The following EXT1 variants were observed in gnomAD, a reference collection of about 807,000 sequenced individuals.
EXT1 encodes exostosin glycosyltransferase 1.
A neutral mutation model predicts 82.5 loss-of-function variants in EXT1; 20 were observed. That is an observed-to-expected ratio of 0.24 (90% CI 0.17 to 0.35). The LOEUF (loss-of-function observed/expected upper bound fraction) is 0.35. Ranked by LOEUF, EXT1 falls within the 10% of genes least tolerant of loss-of-function variation. EXT1 has a pLI of 1.00. For missense variants in EXT1, 757 were observed against 936.5 expected, an observed-to-expected ratio of 0.81 and a Z score of 2.50; for synonymous variants, 348 against 350.8, an observed-to-expected ratio of 0.99 and a Z score of 0.09.
intron 9 of EXT1, among the ~76,000 whole-genome samples, chr8:117,806,813 GTCTT>G (rs1307770900): frequency 6.6e-6 from 1 of 152,216 alleles, no homozygotes; most frequent in East Asian, 1.9e-4. Context: ...TATGTAGACA[GTCTT>G]TCTTTGTTAG....
intron 1 of EXT1, among the ~76,000 whole-genome samples, chr8:118,074,004 GCCTCA>G (rs1478414663): frequency 6.6e-6 from 1 of 151,918 alleles, no homozygotes; most frequent in Non-Finnish European, 1.5e-5. Flanking sequence ...CCCTCTCCCA[GCCTCA>G]CCTTTCAGAC....
intron 1 of EXT1, among the ~76,000 whole-genome samples, chr8:117,903,336 T>A (rs1363537614): frequency 1.3e-5 from 2 of 152,208 alleles, no homozygotes; most frequent in African/African-American, 4.8e-5. Context: ...TTTAGCTCCA[T>A]GGATTGCCCA....
intron 10 of EXT1, among the ~76,000 whole-genome samples, chr8:117,801,852 C>T (rs534669077): frequency 1.2e-3 from 184 of 152,138 alleles, no homozygotes; most frequent in Non-Finnish European, 2.0e-3. Flanking sequence ...GGGTGCTGTA[C>T]CCAGGCAAAA....
intron 1 of EXT1, among the ~76,000 whole-genome samples, chr8:117,874,153 T>C (rs943574548): frequency 1.3e-5 from 2 of 152,232 alleles, no homozygotes; most frequent in Non-Finnish European, 2.9e-5. Context: ...GTCATTTCTT[T>C]TTTAAATAGA....
At chr8:117,870,521 C>T (rs1231753712) in intron 1 of EXT1, among the ~76,000 whole-genome samples, 2 of 149,820 alleles carry the variant, frequency 1.3e-5, no homozygotes, top group Non-Finnish European at 2.9e-5. Context: ...CTTGGGTGCA[C>T]CATTTGTTTC....
intron 8 of EXT1, among the ~76,000 whole-genome samples, chr8:117,811,629 T>C (rs1402762958): frequency 1.3e-5 from 2 of 151,842 alleles, no homozygotes; most frequent in Non-Finnish European, 2.9e-5. Flanking sequence ...TTTTTTTTTT[T>C]TTTTTGAGAT....
intron 1 of EXT1, among the ~76,000 whole-genome samples, chr8:117,867,972 G>T (rs1393559093): frequency 6.6e-6 from 1 of 152,172 alleles, no homozygotes; most frequent in Non-Finnish European, 1.5e-5. Flanking sequence ...CACGACTAAT[G>T]CCATAAGCAC....
intron 1 of EXT1, among the ~76,000 whole-genome samples, chr8:118,025,586 C>T (rs1023000407): frequency 3.9e-5 from 6 of 152,000 alleles, no homozygotes; most frequent in Non-Finnish European, 8.8e-5. Context: ...AAAGAAAAGC[C>T]CCAGTAAATG....
intron 1 of EXT1, among the ~76,000 whole-genome samples, chr8:118,054,982 A>C (rs1816774183): frequency 6.6e-6 from 1 of 151,468 alleles, no homozygotes; most frequent in Non-Finnish European, 1.5e-5. Context: ...AAATTTTTTA[A>C]CAGCTTTATG....
intron 1 of EXT1, among the ~76,000 whole-genome samples, chr8:118,020,933 T>C (rs1173568699): frequency 1.3e-5 from 2 of 152,190 alleles, no homozygotes; most frequent in African/African-American, 2.4e-5. Context: ...GTGGGGAAGA[T>C]AGAGTTAAAC....
rs752153917 is a variant in EXT1 at position 118,110,230 on chromosome 8, T to C, written c.817A>G (p.Thr273Ala). The change falls in exon 1 of 11, where the codon ACA becomes GCA. Residue 273 changes from threonine (T) to alanine (A), a missense_variant. Physicochemically the swap from Thr to Ala is moderately conservative, Grantham distance 58 (BLOSUM62 0). Around this residue, in one of 4 missense-constraint regions of EXT1, gnomAD observed 247 missense variants for 330.1 expected, o/e 0.75. Transcript: ENST00000378204. ...TTCCTGGTGTCTGATCCTATCCCTG[T>C]CAGGTACCTCTTCCCCTTGAATACC... is the stretch of plus-strand genomic sequence containing the variant. ...MLVFKGKRYL[T>A]GIGSDTRNAL... 5 of 1,614,056 alleles carry C rather than the reference T, an allele frequency of 3.1e-6. No individual in the cohort carries two copies. Among genetic ancestry groups the C allele is most frequent in the Non-Finnish European group, 4.2e-6 (5 of 1,180,036 alleles).
chr8:118,019,247 G>GAAAGAAAA (rs1403636634), intron 1 of EXT1, among the ~76,000 whole-genome samples: 1 of 1,356 alleles, frequency 7.4e-4, no homozygotes, highest in Non-Finnish European at 1.5e-3. Flanking sequence ...CAGTACGATT[G>GAAAGAAAA]AAAGAAAGAA....
chr8:118,020,820 C>T (rs1027887836), intron 1 of EXT1, among the ~76,000 whole-genome samples: 3 of 152,170 alleles, frequency 2.0e-5, no homozygotes, highest in Admixed American at 6.5e-5. Context: ...GGCTATAAAA[C>T]CAAGACAGTA....
At chr8:117,997,849 C>T (rs1373619783) in intron 1 of EXT1, among the ~76,000 whole-genome samples, 1 of 152,040 alleles carries the variant, frequency 6.6e-6, no homozygotes, top group African/African-American at 2.4e-5. Context: ...CCCCAAGGAA[C>T]CCCCAAGATG....
intron 1 of EXT1, among the ~76,000 whole-genome samples, chr8:118,040,555 A>C (rs949232948): frequency 5.9e-5 from 9 of 152,218 alleles, no homozygotes; most frequent in Non-Finnish European, 1.2e-4. Context: ...AATTGCAACA[A>C]GGCAGACAAC....
chr8:117,985,525 C>T (rs1335638312), intron 1 of EXT1, among the ~76,000 whole-genome samples: 5 of 152,082 alleles, frequency 3.3e-5, no homozygotes, highest in Non-Finnish European at 2.9e-5. Flanking sequence ...AGGAAAGGTG[C>T]ATTACCACTG....
At chr8:117,917,878 C>A (rs1466157001) in intron 1 of EXT1, among the ~76,000 whole-genome samples, 1 of 152,136 alleles carries the variant, frequency 6.6e-6, no homozygotes, top group Admixed American at 6.5e-5. Flanking sequence ...ACTAACCTGG[C>A]ATTCACTGAA....
intron 1 of EXT1, among the ~76,000 whole-genome samples, chr8:117,922,885 T>C (rs1813883170): frequency 6.6e-6 from 1 of 152,230 alleles, no homozygotes; most frequent in Non-Finnish European, 1.5e-5. Flanking sequence ...GAGCCCACAC[T>C]GGACTAATCA....
intron 1 of EXT1, among the ~76,000 whole-genome samples, chr8:118,041,721 A>G (rs565918116): frequency 4.3e-4 from 48 of 111,768 alleles, no homozygotes; most frequent in African/African-American, 1.5e-3. Flanking sequence ...AAGGAAGGAA[A>G]AAGAAAAGGG....
Sources: allele counts gnomAD v4.1 joint callset (sites outside exome capture counted in the v4.1 genomes callset), GRCh38; gene constraint gnomAD v4.1.1; regional missense constraint gnomAD v4.1.1; transcripts MANE v1.5; gene names NCBI Gene and HGNC (gene_info 2026-07-23, HGNC 2026-07-21).